MPO: variants seen among roughly 807,000 people sequenced by gnomAD.
MPO encodes myeloperoxidase.
MPO carries 57 observed loss-of-function variants against 69.4 expected under a neutral mutation model. That is an observed-to-expected ratio of 0.82 (90% CI 0.66 to 1.02). MPO has a LOEUF of 1.02. Among genes scored for constraint, MPO ranks in the 50% least tolerant of loss-of-function variants. The pLI is 0.00. For synonymous variants in MPO, 426 were observed against 417.1 expected, an observed-to-expected ratio of 1.02 and a Z score of -0.26; for missense variants, 971 against 1,014.1, an observed-to-expected ratio of 0.96 and a Z score of 0.58.
Position 58,270,756 on chromosome 17 carries a change from G to A in MPO, c.2138C>T (p.Ser713Phe). 1 of 1,614,144 alleles carries A rather than the reference G, an allele frequency of 6.2e-7. No homozygotes were observed. Among genetic ancestry groups the A allele is most frequent in the Non-Finnish European group, 8.5e-7 (1 of 1,179,978 alleles). The change falls in exon 12 of 12, where the codon TCT becomes TTT. Residue 713 changes from serine (S) to phenylalanine (F), a missense_variant. By Grantham distance (155) the Ser-to-Phe change is radical (BLOSUM62 -2). Coordinates refer to ENST00000225275, the MANE Select transcript of MPO (RefSeq NM_000250.2). This position sits in a 1 kb window ranked among gnomAD's most constrained non-coding sequence, Gnocchi z 4.1. Reference sequence around the variant, plus strand: ...GTTGGACATGAAGATGTTGTTCTTAGACACGGTGGTGATGCCTGTGTTGTC... The same window carrying A: ...GTTGGACATGAAGATGTTGTTCTTAAACACGGTGGTGATGCCTGTGTTGTC... ...ICDNTGITTV[S>F]KNNIFMSNSY...
intron 7 of MPO, among the ~76,000 whole-genome samples, chr17:58,276,832 C>T (rs1012891072): frequency 4.1e-4 from 62 of 152,054 alleles, no homozygotes; most frequent in South Asian, 2.1e-4. Context: ...AAAATGGCTG[C>T]GTGCGGTGGC....
In MPO at chr17:58,279,411, C is replaced by T. The variant is rs1195782955; in HGVS notation, c.564G>A (p.Leu188=). 1 of 1,609,186 alleles carries T rather than the reference C, an allele frequency of 6.2e-7. No homozygotes were observed. The highest frequency in any genetic ancestry group is 8.5e-7 in the Non-Finnish European group (1 of 1,178,194). The change falls in exon 5 of 12, where the codon CTG becomes CTA. Residue 188 remains leucine (L), a synonymous_variant. Transcript: ENST00000225275. The stretch of plus-strand genomic sequence containing the variant: ...GCACAAAGGCACGGTTGGAGGCCCC[C>T]AGCGTGGGGCTGCGTCTGCAGGGGA... ...GMCNNRRSPT[L]GASNRAFVRW...
chr17:58,271,755 T>C lies in MPO; in HGVS notation c.1930A>G (p.Met644Val). 1.2e-6 allele frequency: 2 copies of C among 1,613,960 alleles called. No homozygotes were observed. The highest frequency in any genetic ancestry group is 1.7e-5 in the Admixed American group (1 of 60,032). The change falls in exon 11 of 12, where the codon ATG (methionine) becomes GTG (valine). Residue 644 changes from methionine to valine, a missense_variant. By Grantham distance (21) the Met-to-Val change is conservative. Coordinates refer to ENST00000225275, the MANE Select transcript of MPO (RefSeq NM_000250.2). ...TTCAGAGGCTCGGACACGCCGCCCA[T>C]CCAGATGTCGATGTTGTTGGGCGTG... is the stretch of plus-strand genomic sequence containing the variant. ...YGTPNNIDIWMGGVSEPLKRK... is the reference protein window; with the variant it reads ...YGTPNNIDIWVGGVSEPLKRK...
At chr17:58,276,872 G>C (rs1410792270) in intron 7 of MPO, among the ~76,000 whole-genome samples, 1 of 152,168 alleles carries the variant, frequency 6.6e-6, no homozygotes, top group African/African-American at 2.4e-5. Context: ...ACTTTGGGAG[G>C]TTAAGGTGGG....
intron 9 of MPO, 68 bp from the exon 10 acceptor site, chr17:58,272,986 G>A: frequency 1.3e-6 from 2 of 1,588,682 alleles, no homozygotes; most frequent in South Asian, 2.2e-5. Flanking sequence ...TTGGAGTCAG[G>A]GACAAGTCCA....
Position 58,279,898 on chromosome 17 carries a change from G to A in MPO, c.365C>T (p.Ala122Val). 1 of 1,614,110 alleles carries A rather than the reference G, an allele frequency of 6.2e-7. No homozygotes were observed. Among genetic ancestry groups the A allele is most frequent in the Middle Eastern group, 1.6e-4 (1 of 6,062 alleles). ...CAGCTTCCTCTCCAGCAGGTCTAGA[G>A]CCACGTGCAGGTAGTCAGCGGCCCT... Reference protein sequence around the residue: ...AVRAADYLHVALDLLERKLRS... With the variant: ...AVRAADYLHVVLDLLERKLRS... The change falls in exon 3 of 12, where the codon GCT becomes GTT. Residue 122 changes from alanine to valine, a missense_variant. Ala to Val is a moderately conservative substitution (Grantham distance 64). Transcript: ENST00000225275.
rs1365767024 is a variant in MPO, at chr17:58,279,446, G to T, written c.549-20C>A. 3.7e-6 allele frequency: 6 copies of T among 1,611,332 alleles called. No homozygotes were observed. Among genetic ancestry groups the T allele is most frequent in the African/African-American group, 1.3e-5 (1 of 74,910 alleles). ...CTGCGTCTGCAGGGGAGGACAGGGCGCTGACACCGGGAGGCTTGTGGCGTC... is the reference window on the plus strand; with the variant it reads ...CTGCGTCTGCAGGGGAGGACAGGGCTCTGACACCGGGAGGCTTGTGGCGTC... On this transcript the variant is annotated intron_variant, in intron 4 of 11. Coordinates refer to ENST00000225275, the MANE Select transcript of MPO (RefSeq NM_000250.2).
At chr17:58,274,199 C>G (rs1315404638) in intron 8 of MPO, 1 of 499,898 alleles carries the variant, frequency 2.0e-6, no homozygotes, top group Non-Finnish European at 4.0e-6. Context: ...CATGATTTTC[C>G]CTGTGAAAAG....
At chr17:58,279,687 C>T (rs757431488) in intron 3 of MPO, 41 bp from the exon 4 acceptor site, 22 of 1,613,854 alleles carry the variant, frequency 1.4e-5, no homozygotes, top group Non-Finnish European at 1.9e-5. Context: ...AGCCGCCTCA[C>T]TTCCTATCCC....
Position 58,275,774 on chromosome 17 carries a change from C to T in MPO, c.1205-72G>A. 1 of 1,579,850 alleles carries T rather than the reference C, an allele frequency of 6.3e-7. No individual in the cohort carries two copies. Among genetic ancestry groups the T allele is most frequent in the Non-Finnish European group, 8.6e-7 (1 of 1,159,152 alleles). ...AAAAGATTTGCTCCACTGAAACCCC[C>T]TCCCCAGCCAAGGCCTGAAATGCCT... On this transcript the variant is annotated intron_variant, in intron 7 of 11. Transcript: ENST00000225275. The surrounding 1 kb of genome is among the most constrained non-coding windows in gnomAD (Gnocchi z 4.1).
chr17:58,273,640 C>T lies in MPO; in HGVS notation c.1395G>A (p.Leu465=). 1.2e-6 allele frequency: 2 copies of T among 1,614,224 alleles called. No individual in the cohort carries two copies. Among genetic ancestry groups the T allele is most frequent in the South Asian group, 1.1e-5 (1 of 91,088 alleles). Reference sequence around the variant, plus strand: ...TCCTCATGGCCGTTGGCCCCAGCACCAGGGGCAGGTAGTCCCGGTAAGTGA... The same window carrying T: ...TCCTCATGGCCGTTGGCCCCAGCACTAGGGGCAGGTAGTCCCGGTAAGTGA... ...QIITYRDYLP[L]VLGPTAMRKY... The change falls in exon 9 of 12, where the codon CTG becomes CTA. Residue 465 remains leucine (L), a synonymous_variant. Coordinates refer to ENST00000225275, the MANE Select transcript of MPO (RefSeq NM_000250.2).
At position 58,275,602 on chromosome 17, in the gene MPO, A is replaced by G. The variant is rs766193981; in HGVS notation, c.1305T>C (p.Pro435=). The G allele has an allele frequency of 1.9e-6, 3 of 1,614,006 alleles. No homozygotes were observed. The highest frequency in any genetic ancestry group is 2.5e-6 in the Non-Finnish European group (3 of 1,179,978). Residue 435 remains proline, a synonymous_variant, in exon 8 of 12, where the codon CCT becomes CCC. Coordinates refer to ENST00000225275, the MANE Select transcript of MPO (RefSeq NM_000250.2). This position sits in a 1 kb window ranked among gnomAD's most constrained non-coding sequence, Gnocchi z 4.1. The stretch of plus-strand genomic sequence containing the variant: ...GGTAGAGCCTCTCCCCATCCCACCT[A>G]GGGTTCAGGCTCTTGAGCTCTGTGG... ...RLATELKSLN[P]RWDGERLYQE...
Position 58,273,723 on chromosome 17 carries a change from C to T in MPO, c.1366-54G>A, listed in dbSNP as rs993576377. On this transcript the variant is annotated intron_variant, in intron 8 of 11. Coordinates refer to ENST00000225275, the MANE Select transcript of MPO (RefSeq NM_000250.2). ...TCCACCCACTCCTCCACAGCAAATG[C>T]CGCCTGGCAGCACAGGAGGGCCAGA... 9 of 1,613,302 alleles carry T rather than the reference C, an allele frequency of 5.6e-6. No individual in the cohort carries two copies. The South Asian group carries it at 8.8e-5, about 16-fold the overall frequency.
rs1279742333 is a variant in MPO, at chr17:58,270,609, G to C, written c.*47C>G. The stretch of plus-strand genomic sequence containing the variant: ...CAAGGAGATCTCCGTGGTTCCAACT[G>C]GCCAGCCCAGATATACCCCTCACTG... On this transcript the variant is annotated 3_prime_UTR_variant, in exon 12 of 12. Coordinates refer to ENST00000225275, the MANE Select transcript of MPO (RefSeq NM_000250.2). This position sits in a 1 kb window ranked among gnomAD's most constrained non-coding sequence, Gnocchi z 4.1. 2.0e-6 allele frequency: 3 copies of C among 1,506,516 alleles called. No individual in the cohort carries two copies. In the African/African-American group the frequency reaches 4.2e-5, roughly 21 times the overall value. 93.3% of individuals were successfully genotyped at this position (1,506,516 alleles called of 1,614,324 possible).
rs748478973 is a variant in MPO, at chr17:58,278,098, C to T, written c.933G>A (p.Pro311=). 7 of 1,607,746 alleles carry T rather than the reference C, an allele frequency of 4.4e-6. No homozygotes were observed. Among genetic ancestry groups the T allele is most frequent in the African/African-American group, 2.7e-5 (2 of 74,910 alleles). Residue 311 remains proline, a synonymous_variant, in exon 7 of 12, where the codon CCG becomes CCA. Coordinates refer to ENST00000225275, the MANE Select transcript of MPO (RefSeq NM_000250.2). Reference sequence around the variant, plus strand: ...GGCAAGCCGGGCAGGAGCGGAAGAACGGGATGCAGTCGGCTTGGTTCTTGA... The same window carrying T: ...GGCAAGCCGGGCAGGAGCGGAAGAATGGGATGCAGTCGGCTTGGTTCTTGA... The part of the protein sequence containing the change: ...PRIKNQADCI[P]FFRSCPACPG...
Position 58,279,611 on chromosome 17 carries a change from T to G in MPO, c.460A>C (p.Lys154Gln). ...TCCTGGTAGGCGCAGCCGCTTGACT[T>G]GGACAACACATTCAGCTGGGCGGGC... ...LTPAQLNVLSKSSGCAYQDVG... is the reference protein window; with the variant it reads ...LTPAQLNVLSQSSGCAYQDVG... Residue 154 changes from lysine to glutamine, a missense_variant, in exon 4 of 12, where the codon AAG becomes CAG. By Grantham distance (53) the Lys-to-Gln change is moderately conservative. Coordinates refer to ENST00000225275, the MANE Select transcript of MPO (RefSeq NM_000250.2). The G allele has an allele frequency of 2.5e-6, 4 of 1,614,068 alleles. No individual in the cohort carries two copies. Among genetic ancestry groups the G allele is most frequent in the Non-Finnish European group, 3.4e-6 (4 of 1,180,014 alleles).
chr17:58,270,707 G>A lies in MPO; in HGVS notation c.2187C>T (p.Asn729=), dbSNP rs113203253. The change falls in exon 12 of 12, where the codon AAC becomes AAT. Residue 729 remains asparagine, a synonymous_variant. Coordinates refer to ENST00000225275, the MANE Select transcript of MPO (RefSeq NM_000250.2). The surrounding 1 kb of genome is among the most constrained non-coding windows in gnomAD (Gnocchi z 4.1). ...MSNSYPRDFV[N]CSTLPALNLA... ...GGTTCAATGCAGGAAGTGTACTGCA[G>A]TTGACAAAGTCCCGGGGATATGAGT... 8.6e-4 allele frequency: 1,390 copies of A among 1,614,110 alleles called. 9 individuals are homozygous for A. In the African/African-American group the frequency reaches 0.016, roughly 18 times the overall value.
At chr17:58,272,997 G>A in intron 9 of MPO, 79 bp from the exon 10 acceptor site, 2 of 1,558,714 alleles carry the variant, frequency 1.3e-6, no homozygotes, top group Non-Finnish European at 8.8e-7. Flanking sequence ...GACAAGTCCA[G>A]GTAGGGTCAG....
intron 10 of MPO, among the ~76,000 whole-genome samples, chr17:58,272,456 G>A (rs1203714478): frequency 6.6e-6 from 1 of 152,138 alleles, no homozygotes; most frequent in East Asian, 1.9e-4. Flanking sequence ...GTACAATGAA[G>A]CAAAATGGAA....
Sources: allele counts gnomAD v4.1 joint callset (sites outside exome capture counted in the v4.1 genomes callset), GRCh38; gene constraint gnomAD v4.1.1; non-coding constraint Gnocchi (gnomAD v3.1); transcripts MANE v1.5; gene names NCBI Gene and HGNC (gene_info 2026-07-23, HGNC 2026-07-21).